SHISA9: variants seen among roughly 807,000 people sequenced by gnomAD.
The protein encoded by SHISA9 is shisa family member 9.
Under a neutral mutation model 38.0 loss-of-function variants are expected in SHISA9, and 13 were observed. The observed-to-expected ratio is 0.34, with a 90% CI of 0.22 to 0.54. SHISA9 has a LOEUF of 0.54. Among genes scored for constraint, SHISA9 ranks in the 20% least tolerant of loss-of-function variants. SHISA9 has a pLI of 0.91. For synonymous variants in SHISA9, 275 were observed against 242.0 expected (o/e 1.14, Z -1.27); for missense variants, 538 against 575.8 (o/e 0.93, Z 0.67).
chr16:12,994,402 C>A (rs916460743), intron 2 of SHISA9, among the ~76,000 whole-genome samples: 11 of 152,212 alleles, frequency 7.2e-5, no homozygotes, highest in Admixed American at 5.9e-4. Context: ...CTGGGCTTAG[C>A]CCCATGACGT....
At chr16:13,077,747 C>T (rs1260727519) in intron 2 of SHISA9, among the ~76,000 whole-genome samples, 1 of 151,984 alleles carries the variant, frequency 6.6e-6, no homozygotes, top group Non-Finnish European at 1.5e-5. Flanking sequence ...CCTTTTCCAA[C>T]AAAAATGCTC....
At chr16:13,554,937 CTTGGGTTAAA>C in the SHISA9 span, among the ~76,000 whole-genome samples, 1 of 152,202 alleles carries the variant, frequency 6.6e-6, no homozygotes, top group African/African-American at 2.4e-5. Flanking sequence ...ATCCCTGTGC[CTTGGGTTAAA>C]TCCCATTTGA....
intron 2 of SHISA9, among the ~76,000 whole-genome samples, chr16:13,076,847 T>C (rs540572229): frequency 2.0e-4 from 30 of 152,354 alleles, no homozygotes; most frequent in African/African-American, 7.2e-4. Context: ...TATCCCTACT[T>C]GTCATGGTCC....
intron 2 of SHISA9, among the ~76,000 whole-genome samples, chr16:12,938,305 C>T (rs2071560534): frequency 6.6e-6 from 1 of 152,204 alleles, no homozygotes; most frequent in Non-Finnish European, 1.5e-5. Context: ...CTGCAACTCT[C>T]CCTGGAATAC....
intron 2 of SHISA9, among the ~76,000 whole-genome samples, chr16:13,066,556 C>A (rs2073437108): frequency 6.6e-6 from 1 of 152,132 alleles, no homozygotes; most frequent in South Asian, 2.1e-4. Context: ...ATTGAATGAA[C>A]TGATTGATAA....
At chr16:13,527,428 A>C in the SHISA9 span, among the ~76,000 whole-genome samples, 1 of 152,150 alleles carries the variant, frequency 6.6e-6, no homozygotes, top group African/African-American at 2.4e-5. Flanking sequence ...TAACTTCTTC[A>C]CTGAGAGCCC....
chr16:13,298,137 C>T, the SHISA9 span, among the ~76,000 whole-genome samples: 1 of 152,314 alleles, frequency 6.6e-6, no homozygotes, highest in East Asian at 1.9e-4. Context: ...CAATTCAATC[C>T]ATGGACACCG....
At chr16:13,019,943 CTTTCTT>C (rs2072825905) in intron 2 of SHISA9, among the ~76,000 whole-genome samples, 3 of 93,674 alleles carry the variant, frequency 3.2e-5, no homozygotes, top group Non-Finnish European at 4.7e-5. Context: ...TTCTTTCTTT[CTTTCTT>C]TCTTTCTTTC....
At chr16:12,971,145 T>A (rs1671543428) in intron 2 of SHISA9, among the ~76,000 whole-genome samples, 1 of 152,174 alleles carries the variant, frequency 6.6e-6, no homozygotes, top group Admixed American at 6.5e-5. Context: ...CAGGTACTAA[T>A]TTTCCAGCCT....
At chr16:12,978,245 C>G (rs981731699) in intron 2 of SHISA9, among the ~76,000 whole-genome samples, 2 of 152,202 alleles carry the variant, frequency 1.3e-5, no homozygotes, top group African/African-American at 2.4e-5. Flanking sequence ...ATAGAATCAT[C>G]CAACAGCTTA....
the SHISA9 span, among the ~76,000 whole-genome samples, chr16:13,453,102 C>A: frequency 6.6e-6 from 1 of 151,916 alleles, no homozygotes; most frequent in Non-Finnish European, 1.5e-5. Context: ...GTTTGTCAGG[C>A]TGGTCTCGAA....
the SHISA9 span, among the ~76,000 whole-genome samples, chr16:13,381,449 G>C: frequency 6.6e-6 from 1 of 152,166 alleles, no homozygotes; most frequent in African/African-American, 2.4e-5. Flanking sequence ...AAAGCATAAA[G>C]TTATAGAACT....
chr16:13,171,576 C>T lies in SHISA9; in HGVS notation c.692-31818C>T, dbSNP rs545707110. ...TGCTGATGAATGGGGGTGCTTCCAG[C>T]AGAGGAAATAGTACTTGCCAGGGTT... On this transcript the variant is annotated intron_variant, in intron 2 of 4. Coordinates refer to ENST00000558583, the MANE Select transcript of SHISA9 (RefSeq NM_001145204.3). 3.2e-4 allele frequency among the ~76,000 whole-genome samples: 48 copies of T among 152,048 alleles called. No individual in the cohort carries two copies. In the South Asian group the frequency reaches 1.0e-2, roughly 32 times the overall value.
intron 2 of SHISA9, among the ~76,000 whole-genome samples, chr16:13,057,455 G>A (rs975130123): frequency 6.6e-6 from 1 of 151,980 alleles, no homozygotes; most frequent in African/African-American, 2.4e-5. Flanking sequence ...AGTGCAATGG[G>A]GCGATCTTGG....
chr16:13,285,614 T>A, the SHISA9 span, among the ~76,000 whole-genome samples: 1 of 152,098 alleles, frequency 6.6e-6, no homozygotes, highest in Non-Finnish European at 1.5e-5. Flanking sequence ...ATAGCCCCAC[T>A]TCTCTAACCA....
chr16:13,272,077 TAAA>T, the SHISA9 span, among the ~76,000 whole-genome samples: 4 of 117,490 alleles, frequency 3.4e-5, no homozygotes, highest in Non-Finnish European at 7.3e-5. Flanking sequence ...ATCTCAAAAT[TAAA>T]AAAAAAAAAA....
intron 2 of SHISA9, among the ~76,000 whole-genome samples, chr16:13,192,114 A>C (rs1396373143): frequency 6.6e-6 from 1 of 152,318 alleles, no homozygotes; most frequent in South Asian, 2.1e-4. Context: ...TAAGTGAACT[A>C]ACTCAGAAAC....
chr16:13,025,755 A>G (rs1448582618), intron 2 of SHISA9, among the ~76,000 whole-genome samples: 2 of 151,650 alleles, frequency 1.3e-5, no homozygotes, highest in African/African-American at 4.8e-5. Flanking sequence ...TTTACTTTTT[A>G]TTTTTACTTT....
chr16:12,908,343 C>A (rs1320324097), intron 1 of SHISA9: 11 of 1,383,186 alleles, frequency 8.0e-6, no homozygotes, highest in Middle Eastern at 1.9e-4. Flanking sequence ...GAGGGAGGGT[C>A]TATATGTGAC....
Sources: gnomAD v4.1 joint callset for allele counts (sites outside exome capture counted in the v4.1 genomes callset) on GRCh38, gnomAD v4.1.1 for gene constraint, MANE v1.5 for transcripts, NCBI Gene and HGNC (gene_info 2026-07-23, HGNC 2026-07-21) for gene names.